GUCY1A2: variants seen among roughly 807,000 people sequenced by gnomAD.
GUCY1A2 encodes guanylate cyclase soluble subunit alpha-2.
A neutral mutation model predicts 63.5 loss-of-function variants in GUCY1A2; 27 were observed. The observed-to-expected ratio is 0.43, with a 90% CI of 0.31 to 0.59. GUCY1A2 has a LOEUF of 0.59. Among genes scored for constraint, GUCY1A2 ranks in the 20% least tolerant of loss-of-function variants. The probability of loss-of-function intolerance (pLI) is 0.11; values close to 1 mark genes in which losing one functional copy is unlikely to be tolerated. For missense variants in GUCY1A2, 768 were observed against 913.3 expected, an observed-to-expected ratio of 0.84 and a Z score of 2.05; for synonymous variants, 364 against 343.5, an observed-to-expected ratio of 1.06 and a Z score of -0.66.
chr11:106,886,154 C>T (rs1017543073), intron 4 of GUCY1A2, among the ~76,000 whole-genome samples: 1 of 152,108 alleles, frequency 6.6e-6, no homozygotes. Flanking sequence ...TATAGCCCCT[C>T]TTATAGCTAA....
chr11:106,712,938 A>G (rs1863145718), intron 6 of GUCY1A2, among the ~76,000 whole-genome samples: 1 of 152,170 alleles, frequency 6.6e-6, no homozygotes. Context: ...CCTGCAGAAT[A>G]CATAATGAGG....
chr11:106,816,175 A>AAG (rs1333784679), intron 4 of GUCY1A2, among the ~76,000 whole-genome samples: 1 of 150,658 alleles, frequency 6.6e-6, no homozygotes, highest in Non-Finnish European at 1.5e-5. Flanking sequence ...TTTAAAAAAA[A>AAG]AAAAAAAAAA....
At chr11:106,940,400 C>A (rs1565338116) in intron 3 of GUCY1A2, among the ~76,000 whole-genome samples, 1 of 152,108 alleles carries the variant, frequency 6.6e-6, no homozygotes, top group Non-Finnish European at 1.5e-5. Context: ...TGAACATGAA[C>A]CTTTTTGTTT....
chr11:106,728,573 A>G (rs1391461391), intron 6 of GUCY1A2, among the ~76,000 whole-genome samples: 1 of 152,200 alleles, frequency 6.6e-6, no homozygotes, highest in Non-Finnish European at 1.5e-5. Context: ...ACACTAATCT[A>G]AAATCACTGA....
chr11:106,887,511 C>G (rs1342309391), intron 4 of GUCY1A2, among the ~76,000 whole-genome samples: 6 of 152,298 alleles, frequency 3.9e-5, no homozygotes. Flanking sequence ...AAAGTAACTT[C>G]TTGCACTGTT....
chr11:106,918,244 C>G (rs1860394607), intron 4 of GUCY1A2, among the ~76,000 whole-genome samples: 1 of 144,428 alleles, frequency 6.9e-6, no homozygotes, highest in African/African-American at 2.5e-5. Context: ...CCTGTGTTCT[C>G]TCCTTGAAAA....
intron 4 of GUCY1A2, among the ~76,000 whole-genome samples, chr11:106,927,398 A>C (rs1860541082): frequency 6.6e-6 from 1 of 152,000 alleles, no homozygotes; most frequent in Admixed American, 6.5e-5. Flanking sequence ...ATTATAGAGA[A>C]ACAAGCAAGA....
intron 4 of GUCY1A2, among the ~76,000 whole-genome samples, chr11:106,828,994 C>A (rs1392672973): frequency 1.3e-5 from 2 of 152,184 alleles, no homozygotes; most frequent in Non-Finnish European, 2.9e-5. Context: ...AGTCGCACTG[C>A]TATATTTTAT....
At chr11:106,742,161 A>G (rs776999982) in intron 6 of GUCY1A2, among the ~76,000 whole-genome samples, 2 of 152,228 alleles carry the variant, frequency 1.3e-5, no homozygotes, top group Non-Finnish European at 2.9e-5. Flanking sequence ...AAAAAGTAGC[A>G]CATGAATTTC....
At chr11:107,013,216 T>C (rs1378473753) in intron 1 of GUCY1A2, among the ~76,000 whole-genome samples, 1 of 152,168 alleles carries the variant, frequency 6.6e-6, no homozygotes, top group East Asian at 1.9e-4. Flanking sequence ...TTTCCTGACA[T>C]TCTGCTCTCT....
intron 1 of GUCY1A2, among the ~76,000 whole-genome samples, chr11:106,995,324 A>G (rs1861521300): frequency 6.8e-6 from 1 of 147,910 alleles, no homozygotes; most frequent in African/African-American, 2.4e-5. Flanking sequence ...ATGTGAAAAA[A>G]TGAAACCCAG....
At chr11:106,792,420 T>C (rs569190982) in intron 5 of GUCY1A2, among the ~76,000 whole-genome samples, 1 of 147,900 alleles carries the variant, frequency 6.8e-6, no homozygotes, top group African/African-American at 2.5e-5. Context: ...CCCACTATCA[T>C]CAAGTAGGCA....
intron 4 of GUCY1A2, among the ~76,000 whole-genome samples, chr11:106,841,063 C>T (rs1859190267): frequency 6.6e-6 from 1 of 151,820 alleles, no homozygotes; most frequent in Non-Finnish European, 1.5e-5. Flanking sequence ...TACCACACTC[C>T]CTTTACTTTC....
chr11:106,988,804 C>T (rs560415024), intron 1 of GUCY1A2, among the ~76,000 whole-genome samples: 1 of 152,318 alleles, frequency 6.6e-6, no homozygotes, highest in Non-Finnish European at 1.5e-5. Flanking sequence ...GCCCTGGCCC[C>T]TCCGAATATC....
Position 106,939,964 on chromosome 11 carries a change from A to G in GUCY1A2, c.702T>C (p.Thr234=), listed in dbSNP as rs1456716287. The change falls in exon 4 of 8, where the codon ACT becomes ACC. Residue 234 remains threonine, a synonymous_variant. Coordinates refer to ENST00000526355, the MANE Select transcript of GUCY1A2 (RefSeq NM_000855.3). ...GAGGGTGGAAGTAGTGGAGCATGAG[A>G]GTACCTTCAGGGAGCTCTTTGCATA... ...SFLCKELPEG[T]LMLHYFHPHH... The G allele has an allele frequency of 1.2e-6, 2 of 1,613,988 alleles. No individual in the cohort carries two copies. Among genetic ancestry groups the G allele is most frequent in the South Asian group, 1.1e-5 (1 of 91,074 alleles).
intron 4 of GUCY1A2, among the ~76,000 whole-genome samples, chr11:106,854,630 AGGCCT>A (rs1859402448): frequency 6.6e-6 from 1 of 152,172 alleles, no homozygotes; most frequent in Non-Finnish European, 1.5e-5. Context: ...CGATCAGGGC[AGGCCT>A]GCCCTCAGGG....
chr11:106,833,051 C>G (rs1179245763), intron 4 of GUCY1A2, among the ~76,000 whole-genome samples: 1 of 152,008 alleles, frequency 6.6e-6, no homozygotes, highest in Non-Finnish European at 1.5e-5. Context: ...TCTCCATTCT[C>G]TCTCCTAGGT....
At chr11:106,994,752 C>T (rs1211002376) in intron 1 of GUCY1A2, among the ~76,000 whole-genome samples, 1 of 152,178 alleles carries the variant, frequency 6.6e-6, no homozygotes, top group Non-Finnish European at 1.5e-5. Context: ...CTGCATCCTC[C>T]ATTGGTAATT....
intron 1 of GUCY1A2, among the ~76,000 whole-genome samples, chr11:107,011,723 A>G (rs979724933): frequency 1.3e-4 from 20 of 149,128 alleles, no homozygotes; most frequent in Admixed American, 8.7e-4. Flanking sequence ...ATGTAACTTT[A>G]AAGTGAAAGT....
Sources: gnomAD v4.1 joint callset for allele counts (sites outside exome capture counted in the v4.1 genomes callset) on GRCh38, gnomAD v4.1.1 for gene constraint, MANE v1.5 for transcripts, NCBI Gene and HGNC (gene_info 2026-07-23, HGNC 2026-07-21) for gene names.